The following KCNN3 variants were observed in gnomAD, a reference collection of about 807,000 sequenced individuals.
KCNN3 encodes small conductance calcium-activated potassium channel protein 3.
A neutral mutation model predicts 62.9 loss-of-function variants in KCNN3; 16 were observed. That is an observed-to-expected ratio of 0.25 (90% CI 0.17 to 0.39). KCNN3 has a LOEUF of 0.39. Among genes scored for constraint, KCNN3 ranks in the 10% least tolerant of loss-of-function variants. KCNN3 has a pLI of 1.00. For synonymous variants in KCNN3, 370 were observed against 389.2 expected, an observed-to-expected ratio of 0.95 and a Z score of 0.58; for missense variants, 599 against 949.4, an observed-to-expected ratio of 0.63 and a Z score of 4.85.
chr1:154,838,664 C>A (rs1651701931), intron 1 of KCNN3, among the ~76,000 whole-genome samples: 2 of 152,214 alleles, frequency 1.3e-5, no homozygotes, highest in African/African-American at 4.8e-5. Context: ...ACTCCCACCA[C>A]CCTACCCTCC....
intron 1 of KCNN3, chr1:154,859,986 A>C (rs1345113367): frequency 4.6e-6 from 3 of 651,106 alleles, no homozygotes; most frequent in African/African-American, 1.8e-5. Context: ...TCTGCTCAGA[A>C]TACAACTCTG....
At position 154,707,491 on chromosome 1, in the gene KCNN3, TAC is replaced by T. The variant is rs1226382157; in HGVS notation, c.*483_*484del. Reference sequence around the variant, plus strand: ...TGGCAAGTTGTGGGCAGCTCTCTTTTACTTTTGTCACCCAGAGGCTTCCGTAG... The same window carrying T: ...TGGCAAGTTGTGGGCAGCTCTCTTTTTTTTGTCACCCAGAGGCTTCCGTAG... On this transcript the variant is annotated 3_prime_UTR_variant, in exon 8 of 8. Coordinates refer to ENST00000271915, the MANE Select transcript of KCNN3 (RefSeq NM_002249.6). The T allele has an allele frequency of 6.5e-6, 1 of 152,818 alleles. No homozygotes were observed. The highest frequency in any genetic ancestry group is 2.4e-5 in the African/African-American group (1 of 41,328). 9.5% of individuals were successfully genotyped at this position (152,818 alleles called of 1,614,324 possible).
intron 2 of KCNN3, among the ~76,000 whole-genome samples, chr1:154,801,252 A>G (rs1649942456): frequency 6.6e-6 from 1 of 152,182 alleles, no homozygotes; most frequent in South Asian, 2.1e-4. Context: ...AAAGTAGAAG[A>G]AGGCCGTTTG....
At chr1:154,775,938 T>C (rs1285409206) in intron 2 of KCNN3, among the ~76,000 whole-genome samples, 1 of 152,190 alleles carries the variant, frequency 6.6e-6, no homozygotes, top group Non-Finnish European at 1.5e-5. Flanking sequence ...CTATAGTAAC[T>C]GGGTTCACTC....
chr1:154,846,415 C>T (rs1202863951), intron 1 of KCNN3, among the ~76,000 whole-genome samples: 1 of 152,342 alleles, frequency 6.6e-6, no homozygotes, highest in South Asian at 2.1e-4. Flanking sequence ...TTCTGGAGGA[C>T]GATTAGGCAG....
intron 7 of KCNN3, among the ~76,000 whole-genome samples, chr1:154,710,560 T>G (rs1700053417): frequency 6.6e-6 from 1 of 152,196 alleles, no homozygotes; most frequent in Non-Finnish European, 1.5e-5. Flanking sequence ...GGAGTGTCTT[T>G]CCAGTTCACT....
At chr1:154,783,484 G>A (rs1649146451) in intron 2 of KCNN3, among the ~76,000 whole-genome samples, 1 of 123,880 alleles carries the variant, frequency 8.1e-6, no homozygotes, top group Non-Finnish European at 1.7e-5. Context: ...CAGTGAACAG[G>A]CCTCTATGGA....
At chr1:154,820,185 G>A (rs1015809118) in intron 2 of KCNN3, among the ~76,000 whole-genome samples, 3 of 152,214 alleles carry the variant, frequency 2.0e-5, no homozygotes, top group South Asian at 2.1e-4. Context: ...CCACCAGGCC[G>A]GAACTGAGTC....
At chr1:154,759,385 A>G (rs1647896582) in intron 3 of KCNN3, among the ~76,000 whole-genome samples, 1 of 152,214 alleles carries the variant, frequency 6.6e-6, no homozygotes, top group Non-Finnish European at 1.5e-5. Context: ...AACAACCCCA[A>G]AGTTGAAGGA....
At chr1:154,822,925 G>A (rs144090181) in intron 1 of KCNN3, among the ~76,000 whole-genome samples, 5 of 152,300 alleles carry the variant, frequency 3.3e-5, no homozygotes, top group African/African-American at 4.8e-5. Context: ...CATGACCTCC[G>A]GGGCCAGACT....
At chr1:154,805,619 C>T (rs1650143002) in intron 2 of KCNN3, among the ~76,000 whole-genome samples, 1 of 152,138 alleles carries the variant, frequency 6.6e-6, no homozygotes, top group Non-Finnish European at 1.5e-5. Context: ...CTGTTTGGGG[C>T]CATTCTGTGG....
At chr1:154,709,191 C>G (rs962953263) in intron 7 of KCNN3, among the ~76,000 whole-genome samples, 1 of 152,126 alleles carries the variant, frequency 6.6e-6, no homozygotes, top group Non-Finnish European at 1.5e-5. Context: ...CTGCAGAGTC[C>G]CAGTCTATGC....
intron 2 of KCNN3, among the ~76,000 whole-genome samples, chr1:154,783,345 AC>A (rs1327646519): frequency 6.6e-6 from 1 of 152,208 alleles, no homozygotes; most frequent in Non-Finnish European, 1.5e-5. Flanking sequence ...CCTGGTGTCC[AC>A]ACCACCTGGG....
chr1:154,781,054 C>T (rs1023263512), intron 2 of KCNN3, among the ~76,000 whole-genome samples: 4 of 152,270 alleles, frequency 2.6e-5, no homozygotes, highest in Admixed American at 2.0e-4. Flanking sequence ...CTCTTTGGTC[C>T]GGCCAGGATA....
chr1:154,805,538 T>C (rs1650137275), intron 2 of KCNN3, among the ~76,000 whole-genome samples: 1 of 152,252 alleles, frequency 6.6e-6, no homozygotes, highest in African/African-American at 2.4e-5. Context: ...CTCTGCATTA[T>C]GAACTAAAAC....
intron 5 of KCNN3, among the ~76,000 whole-genome samples, chr1:154,723,960 C>T (rs1700409426): frequency 6.6e-6 from 1 of 152,222 alleles, no homozygotes; most frequent in African/African-American, 2.4e-5. Flanking sequence ...GCAGGCCTTA[C>T]TGTGATAACA....
chr1:154,868,280 A>C, intron 1 of KCNN3: 1 of 985,676 alleles, frequency 1.0e-6, no homozygotes, highest in Non-Finnish European at 1.2e-6. Context: ...TTTTATCAGG[A>C]GATGTTTACG....
At chr1:154,752,092 AT>A (rs1444804989) in intron 3 of KCNN3, among the ~76,000 whole-genome samples, 1 of 151,944 alleles carries the variant, frequency 6.6e-6, no homozygotes, top group East Asian at 1.9e-4. Context: ...GGCCTCCTTT[AT>A]TTTTTTTCTT....
chr1:154,780,113 C>T (rs931647211), intron 2 of KCNN3, among the ~76,000 whole-genome samples: 31 of 151,938 alleles, frequency 2.0e-4, no homozygotes, highest in African/African-American at 6.8e-4. Flanking sequence ...TGGCACAGCC[C>T]GAGCTTCAGA....
Sources: allele counts gnomAD v4.1 joint callset (sites outside exome capture counted in the v4.1 genomes callset), GRCh38; gene constraint gnomAD v4.1.1; transcripts MANE v1.5; gene names NCBI Gene and HGNC (gene_info 2026-07-23, HGNC 2026-07-21).